Variants in EHBP1 observed in about 807,000 individuals in gnomAD.
EHBP1 encodes the protein EH domain binding protein 1.
Under a neutral mutation model 144.0 loss-of-function variants are expected in EHBP1, and 55 were observed. The observed-to-expected ratio is 0.38, with a 90% CI of 0.31 to 0.48. The LOEUF (loss-of-function observed/expected upper bound fraction) is 0.48, where lower values mean the gene tolerates loss of function less well. EHBP1 is among the 20% of genes least tolerant of loss of function. The pLI, the probability that EHBP1 is intolerant of heterozygous loss-of-function variation, is 0.98. For synonymous variants in EHBP1, 469 were observed against 472.7 expected (o/e 0.99, Z 0.10); for missense variants, 1,200 against 1,364.2 (o/e 0.88, Z 1.90).
Position 62,790,649 on chromosome 2 carries a change from G to A in EHBP1, c.312+19257G>A, listed in dbSNP as rs140482845. ...TCGTTTCTACATGTAAGTTATACAC[G>A]GTATAACAGAACTCCATTTGAAAAG... On this transcript the variant is annotated intron_variant, in intron 5 of 22. Coordinates refer to ENST00000431489, the MANE Select transcript of EHBP1 (RefSeq NM_001142616.3). Among the ~76,000 whole-genome samples, 67 of 151,960 alleles carry A rather than the reference G, an allele frequency of 4.4e-4. 1 individual carries two copies. The highest frequency in any genetic ancestry group is 1.4e-3 in the African/African-American group (59 of 41,470).
chr2:62,981,180 T>C (rs985212157), intron 15 of EHBP1, among the ~76,000 whole-genome samples: 1 of 152,148 alleles, frequency 6.6e-6, no homozygotes, highest in African/African-American at 2.4e-5. Flanking sequence ...TACAGCTTTA[T>C]AGTAAGATCA....
chr2:62,764,954 ATT>A (rs1474304259), intron 4 of EHBP1, among the ~76,000 whole-genome samples: 2 of 152,088 alleles, frequency 1.3e-5, no homozygotes, highest in Non-Finnish European at 2.9e-5. Context: ...TGCTTTTGAG[ATT>A]TGAGTTAAAT....
chr2:62,948,939 A>T lies in EHBP1; in HGVS notation c.2093A>T (p.Glu698Val). 1 of 1,614,080 alleles carries T rather than the reference A, an allele frequency of 6.2e-7. No homozygotes were observed. Among genetic ancestry groups the T allele is most frequent in the Non-Finnish European group, 8.5e-7 (1 of 1,179,978 alleles). Residue 698 changes from glutamate to valine, a missense_variant, in exon 13 of 23, where the codon GAG (glutamate) becomes GTG (valine). This residue lies in a region of EHBP1 where 543 missense variants were observed against 513.1 expected (regional missense o/e 1.06). Coordinates refer to ENST00000431489, the MANE Select transcript of EHBP1 (RefSeq NM_001142616.3). ...ACTCTAGACATCGGTAGTAACTTGG[A>T]GAAAGAAAAATTAGAGAATTCCAGA... ...LQTLDIGSNL[E>V]KEKLENSRSL... is the part of the protein sequence containing the mutation.
At chr2:62,971,669 T>G (rs1474037186) in intron 14 of EHBP1, among the ~76,000 whole-genome samples, 1 of 152,178 alleles carries the variant, frequency 6.6e-6, no homozygotes, top group Non-Finnish European at 1.5e-5. Flanking sequence ...AGATTCAGTT[T>G]TTGTCAAATT....
intron 10 of EHBP1, among the ~76,000 whole-genome samples, chr2:62,920,315 T>C (rs148752075): frequency 1.1e-4 from 17 of 152,242 alleles, no homozygotes; most frequent in Non-Finnish European, 2.4e-4. Context: ...TAGACTGATA[T>C]GATATATTCA....
intron 19 of EHBP1, among the ~76,000 whole-genome samples, chr2:63,024,543 A>T (rs1457378602): frequency 6.8e-6 from 1 of 147,328 alleles, no homozygotes; most frequent in Non-Finnish European, 1.5e-5. Flanking sequence ...TCAAGGCTAT[A>T]GTGAGCTGTG....
intron 19 of EHBP1, among the ~76,000 whole-genome samples, chr2:63,001,730 A>T (rs1356607693): frequency 6.6e-6 from 1 of 152,180 alleles, no homozygotes; most frequent in Admixed American, 6.6e-5. Context: ...TGCCCAATTC[A>T]TACAGTTTAC....
At chr2:62,697,888 A>G (rs528983396) in intron 1 of EHBP1, among the ~76,000 whole-genome samples, 9 of 152,380 alleles carry the variant, frequency 5.9e-5, no homozygotes, top group African/African-American at 1.9e-4. Context: ...ATCCAGTAAC[A>G]TTCTTGGGCA....
chr2:62,998,348 G>A (rs2059722392), intron 19 of EHBP1, among the ~76,000 whole-genome samples: 1 of 152,074 alleles, frequency 6.6e-6, no homozygotes. Flanking sequence ...TAGGGATTTT[G>A]AAAATATTAG....
chr2:62,875,503 A>G (rs1480055815), intron 10 of EHBP1, among the ~76,000 whole-genome samples: 1 of 152,226 alleles, frequency 6.6e-6, no homozygotes, highest in Non-Finnish European at 1.5e-5. Context: ...AAAGGACAGC[A>G]GCTTCAAAGA....
intron 13 of EHBP1, among the ~76,000 whole-genome samples, chr2:62,950,252 A>G (rs904444586): frequency 5.9e-5 from 9 of 152,152 alleles, no homozygotes; most frequent in African/African-American, 2.4e-5. Context: ...AGAGCCCCCA[A>G]AGTTAAAGCT....
At position 63,028,345 on chromosome 2, in the gene EHBP1, G is replaced by A. The variant is rs140681846; in HGVS notation, c.3104-9190G>A. Reference sequence around the variant, plus strand: ...GTATAGAGTGGAAAAGAAACTTACTGTGCAGGCAGCTAATTGAGGGTTGAA... The same window carrying A: ...GTATAGAGTGGAAAAGAAACTTACTATGCAGGCAGCTAATTGAGGGTTGAA... On this transcript the variant is annotated intron_variant, in intron 19 of 22. Transcript: ENST00000431489. Among the ~76,000 whole-genome samples the A allele has an allele frequency of 8.3e-4, 126 of 152,288 alleles. 2 individuals carry two copies. The East Asian group carries it at 0.014, about 17-fold the overall frequency.
At chr2:62,802,985 A>G (rs1479452030) in intron 5 of EHBP1, among the ~76,000 whole-genome samples, 1 of 152,160 alleles carries the variant, frequency 6.6e-6, no homozygotes, top group East Asian at 1.9e-4. Context: ...TTGGCCTCCC[A>G]AAGTGCTGGG....
At chr2:62,754,891 C>G (rs1391764150) in intron 3 of EHBP1, among the ~76,000 whole-genome samples, 1 of 152,218 alleles carries the variant, frequency 6.6e-6, no homozygotes, top group African/African-American at 2.4e-5. Flanking sequence ...TCTGTCACAG[C>G]TTTCCTTGGC....
intron 10 of EHBP1, among the ~76,000 whole-genome samples, chr2:62,875,174 C>T (rs2050792234): frequency 6.6e-6 from 1 of 152,236 alleles, no homozygotes; most frequent in Admixed American, 6.5e-5. Flanking sequence ...CCCACTGCCC[C>T]ATCAGTATGG....
In EHBP1 at chr2:62,875,901, A is replaced by G. The variant is rs958950483; in HGVS notation, c.1185+1369A>G. Among the ~76,000 whole-genome samples, 11 of 152,330 alleles carry G rather than the reference A, an allele frequency of 7.2e-5. No individual in the cohort carries two copies. The South Asian group carries it at 2.3e-3, about 32-fold the overall frequency. ...AAAGAATCTCAGAGCTTGGAGACCA[A>G]TTCTTCTAAACAGCTCAGTCAGACA... On this transcript the variant is annotated intron_variant, in intron 10 of 22. Coordinates refer to ENST00000431489, the MANE Select transcript of EHBP1 (RefSeq NM_001142616.3).
At chr2:62,820,273 A>G (rs1175706775) in intron 5 of EHBP1, among the ~76,000 whole-genome samples, 1 of 151,754 alleles carries the variant, frequency 6.6e-6, no homozygotes, top group Non-Finnish European at 1.5e-5. Flanking sequence ...ACAAATTTTT[A>G]AAATGGTAAT....
intron 5 of EHBP1, among the ~76,000 whole-genome samples, chr2:62,822,837 A>T (rs1462700887): frequency 6.6e-6 from 1 of 152,208 alleles, no homozygotes; most frequent in Non-Finnish European, 1.5e-5. Context: ...CTACAGTCGA[A>T]TCCAGGTTTG....
chr2:62,858,365 G>T, intron 7 of EHBP1: 1 of 1,358,400 alleles, frequency 7.4e-7, no homozygotes, highest in South Asian at 1.2e-5. Flanking sequence ...TTAATTAAAT[G>T]ACCTTACCTT....
Sources: allele counts gnomAD v4.1 joint callset (sites outside exome capture counted in the v4.1 genomes callset), GRCh38; gene constraint gnomAD v4.1.1; regional missense constraint gnomAD v4.1.1; transcripts MANE v1.5; gene names NCBI Gene and HGNC (gene_info 2026-07-23, HGNC 2026-07-21).